MTSS1: variants seen among roughly 807,000 people sequenced by gnomAD.
The protein encoded by MTSS1 is MTSS I-BAR domain containing 1.
In MTSS1, 18 loss-of-function variants were observed where a neutral mutation model predicts 79.0. The observed-to-expected ratio is 0.23, with a 90% CI of 0.16 to 0.34. MTSS1 has a LOEUF of 0.34. Ranked by LOEUF, MTSS1 falls within the 10% of genes least tolerant of loss-of-function variation. The pLI is 1.00. For missense variants in MTSS1, 815 were observed against 986.2 expected (o/e 0.83, Z 2.33); for synonymous variants, 341 against 368.6 (o/e 0.93, Z 0.86).
intron 11 of MTSS1, among the ~76,000 whole-genome samples, chr8:124,556,862 A>G (rs1233240149): frequency 1.3e-5 from 2 of 152,216 alleles, no homozygotes; most frequent in African/African-American, 4.8e-5. Flanking sequence ...ACCAGCCTCA[A>G]AGGGCATGGC....
chr8:124,691,376 A>T (rs1446902053), intron 3 of MTSS1, among the ~76,000 whole-genome samples: 4 of 152,204 alleles, frequency 2.6e-5, no homozygotes, highest in African/African-American at 9.7e-5. Context: ...ATAAATAGCA[A>T]TCATTTTTAT....
intron 9 of MTSS1, among the ~76,000 whole-genome samples, chr8:124,564,106 G>T (rs142908389): frequency 2.2e-4 from 27 of 123,844 alleles, no homozygotes; most frequent in African/African-American, 7.6e-4. Context: ...ACTCCACCTG[G>T]ACAACAGAAC....
intron 1 of MTSS1, among the ~76,000 whole-genome samples, chr8:124,709,100 A>C (rs1291147386): frequency 6.6e-6 from 1 of 152,192 alleles, no homozygotes; most frequent in African/African-American, 2.4e-5. Flanking sequence ...GAAAGGAGGA[A>C]GAAGGTAACT....
intron 3 of MTSS1, among the ~76,000 whole-genome samples, chr8:124,688,381 TTGTG>T (rs773639617): frequency 3.3e-5 from 5 of 151,864 alleles, no homozygotes; most frequent in African/African-American, 7.3e-5. Flanking sequence ...CATGTGTATG[TTGTG>T]TGTATGTGTA....
chr8:124,599,137 C>T (rs1833294175), intron 3 of MTSS1, among the ~76,000 whole-genome samples: 1 of 152,172 alleles, frequency 6.6e-6, no homozygotes, highest in Non-Finnish European at 1.5e-5. Context: ...AACAGCAGCT[C>T]CCGTTCCCCC....
chr8:124,659,487 G>A (rs1042686845), intron 3 of MTSS1, among the ~76,000 whole-genome samples: 3 of 152,126 alleles, frequency 2.0e-5, no homozygotes, highest in Non-Finnish European at 4.4e-5. Flanking sequence ...GGCCACTCTA[G>A]TCTAATTCCA....
intron 1 of MTSS1, among the ~76,000 whole-genome samples, chr8:124,719,092 G>C (rs1832541451): frequency 6.6e-6 from 1 of 152,170 alleles, no homozygotes; most frequent in Non-Finnish European, 1.5e-5. Context: ...AAGCGAGAGA[G>C]AGCCCAGTCC....
chr8:124,615,706 C>T (rs1480096686), intron 3 of MTSS1, among the ~76,000 whole-genome samples: 1 of 152,204 alleles, frequency 6.6e-6, no homozygotes, highest in East Asian at 1.9e-4. Flanking sequence ...ATTATGCACA[C>T]TCCACCACAA....
chr8:124,601,244 T>G (rs1290463065), intron 3 of MTSS1, among the ~76,000 whole-genome samples: 1 of 152,050 alleles, frequency 6.6e-6, no homozygotes, highest in Non-Finnish European at 1.5e-5. Context: ...GTATTTTTAG[T>G]AGAGACGGGG....
intron 3 of MTSS1, among the ~76,000 whole-genome samples, chr8:124,608,206 CCTT>C (rs2133201806): frequency 6.6e-6 from 1 of 152,154 alleles, no homozygotes; most frequent in East Asian, 1.9e-4. Context: ...TTCCAGTTCT[CCTT>C]CTCCTGCACT....
chr8:124,718,570 G>T (rs920750555), intron 1 of MTSS1, among the ~76,000 whole-genome samples: 1 of 152,086 alleles, frequency 6.6e-6, no homozygotes, highest in African/African-American at 2.4e-5. Context: ...AAACAAAGAG[G>T]GGCCATTAAA....
At chr8:124,576,324 A>T (rs928616719) in intron 6 of MTSS1, among the ~76,000 whole-genome samples, 10 of 152,132 alleles carry the variant, frequency 6.6e-5, no homozygotes, top group Non-Finnish European at 1.3e-4. Context: ...CAGAAGTGTG[A>T]GGAATCTGAG....
intron 3 of MTSS1, among the ~76,000 whole-genome samples, chr8:124,654,079 C>T (rs372857309): frequency 4.6e-5 from 7 of 152,136 alleles, no homozygotes; most frequent in African/African-American, 1.7e-4. Flanking sequence ...CTTCTGGAAA[C>T]GTCTTACTGC....
At chr8:124,671,803 A>T (rs1211400633) in intron 3 of MTSS1, among the ~76,000 whole-genome samples, 1 of 152,228 alleles carries the variant, frequency 6.6e-6, no homozygotes, top group Non-Finnish European at 1.5e-5. Context: ...ACATACCATG[A>T]TCAACATCCA....
At position 124,728,258 on chromosome 8, in the gene MTSS1, G is replaced by C. The variant is rs536857271; in HGVS notation, c.-303C>G. 147 of 261,950 alleles carry C rather than the reference G, an allele frequency of 5.6e-4. 1 individual carries two copies. Among genetic ancestry groups the C allele is most frequent in the African/African-American group, 3.0e-3 (135 of 45,336 alleles). 16.2% of individuals were successfully genotyped at this position (261,950 alleles called of 1,614,324 possible). On this transcript the variant is annotated 5_prime_UTR_variant, in exon 1 of 14. Transcript: ENST00000518547. The surrounding 1 kb of genome is among the most constrained non-coding windows in gnomAD (Gnocchi z 6.1). ...CACCACTGGTGCCCACTACGGAAAC[G>C]GCAAAGCCCATCTTGATGCAGAGAA...
chr8:124,723,075 T>C (rs1833177996), intron 1 of MTSS1, among the ~76,000 whole-genome samples: 2 of 152,354 alleles, frequency 1.3e-5, no homozygotes, highest in South Asian at 2.1e-4. Context: ...TCATTTTAGC[T>C]TTTTTCCTTT....
intron 3 of MTSS1, among the ~76,000 whole-genome samples, chr8:124,630,664 C>G (rs1815746776): frequency 6.6e-6 from 1 of 152,222 alleles, no homozygotes; most frequent in Non-Finnish European, 1.5e-5. Flanking sequence ...TCTATGTGAC[C>G]TACAATGAGC....
At chr8:124,599,501 A>G (rs10100057) in intron 3 of MTSS1, among the ~76,000 whole-genome samples, 40,513 of 144,830 alleles carry the variant, frequency 0.28, 6,657 homozygotes, top group African/African-American at 0.47. Context: ...AAAAAAAAAA[A>G]AGAGAGAGAG....
rs750534353 is a variant in MTSS1, at chr8:124,562,945, T to C, written c.872A>G (p.His291Arg). Residue 291 changes from histidine to arginine, a missense_variant, in exon 10 of 14, where the codon CAC becomes CGC. This residue lies in a region of MTSS1 where 225 missense variants were observed against 365.4 expected (regional missense o/e 0.62). Transcript: ENST00000518547. The part of the protein sequence containing the change: ...NSSDSRSSGS[H>R]SHSPSSHYRY... ...GTAATGTGAGCTGGGGGAATGCGAG[T>C]GGGAGCCGCTGGACCGGGAGTCACT... is the stretch of plus-strand genomic sequence containing the variant. The C allele has an allele frequency of 1.2e-6, 2 of 1,612,032 alleles. No homozygotes were observed. Among genetic ancestry groups the C allele is most frequent in the South Asian group, 2.2e-5 (2 of 90,840 alleles).
Sources: allele counts gnomAD v4.1 joint callset (sites outside exome capture counted in the v4.1 genomes callset), GRCh38; gene constraint gnomAD v4.1.1; regional missense constraint gnomAD v4.1.1; non-coding constraint Gnocchi (gnomAD v3.1); transcripts MANE v1.5; gene names NCBI Gene and HGNC (gene_info 2026-07-23, HGNC 2026-07-21).